Variants in ACTN2 observed in about 807,000 individuals in gnomAD.
ACTN2 encodes the protein actinin alpha 2, also known as alpha-actinin-2.
In ACTN2, 39 loss-of-function variants were observed where a neutral mutation model predicts 113.8. The ratio of observed to expected loss-of-function variants is 0.34; its 90% CI spans 0.27 to 0.45. The LOEUF (loss-of-function observed/expected upper bound fraction) is 0.45. ACTN2 is among the 20% of genes least tolerant of loss of function. The pLI, the probability that ACTN2 is intolerant of heterozygous loss-of-function variation, is 1.00. For missense variants in ACTN2, 992 were observed against 1,177.9 expected (o/e 0.84, Z 2.31); for synonymous variants, 429 against 444.1 (o/e 0.97, Z 0.43).
intron 14 of ACTN2, among the ~76,000 whole-genome samples, chr1:236,750,966 T>C (rs1265287373): frequency 6.6e-6 from 1 of 151,554 alleles, no homozygotes; most frequent in Non-Finnish European, 1.5e-5. Flanking sequence ...ATGTATGCCC[T>C]ATAGTCCCAG....
chr1:236,740,500 A>G (rs550025843), intron 10 of ACTN2, among the ~76,000 whole-genome samples: 15 of 151,994 alleles, frequency 9.9e-5, no homozygotes, highest in African/African-American at 3.4e-4. Context: ...GCCAAAGTCA[A>G]TGGCATTCAT....
intron 19 of ACTN2, among the ~76,000 whole-genome samples, chr1:236,760,595 C>G (rs1659676749): frequency 6.6e-6 from 1 of 152,176 alleles, no homozygotes; most frequent in Non-Finnish European, 1.5e-5. Flanking sequence ...CCTGGCCTCC[C>G]TTGATTCTCT....
chr1:236,744,965 A>G (rs1407800403), intron 12 of ACTN2, among the ~76,000 whole-genome samples, 189 bp downstream of exon 12: 1 of 152,104 alleles, frequency 6.6e-6, no homozygotes, highest in Non-Finnish European at 1.5e-5. Flanking sequence ...TAGAATCCCT[A>G]TGTCCTACCA....
chr1:236,716,099 CT>C (rs74259944), intron 1 of ACTN2, among the ~76,000 whole-genome samples: 78,853 of 117,740 alleles, frequency 0.67, 23,931 homozygotes, highest in Non-Finnish European at 0.74. Context: ...CCTTCTTCTT[CT>C]TTTTTTTTTT....
intron 1 of ACTN2, among the ~76,000 whole-genome samples, chr1:236,713,532 T>C (rs571343655): frequency 6.6e-6 from 1 of 152,230 alleles, no homozygotes; most frequent in East Asian, 1.9e-4. Context: ...AAGCAAAGTA[T>C]AGAACAATGT....
At chr1:236,706,883 A>G (rs531519844) in intron 1 of ACTN2, among the ~76,000 whole-genome samples, 1 of 152,322 alleles carries the variant, frequency 6.6e-6, no homozygotes, top group African/African-American at 2.4e-5. Context: ...TTTCTGAGTG[A>G]TGGCAGAGGT....
chr1:236,752,591 G>T (rs575989847), intron 15 of ACTN2, among the ~76,000 whole-genome samples: 1 of 152,132 alleles, frequency 6.6e-6, no homozygotes, highest in African/African-American at 2.4e-5. Context: ...TCACTCTGTT[G>T]CCCAGGCTAG....
At chr1:236,740,325 G>T (rs1179267566) in intron 10 of ACTN2, among the ~76,000 whole-genome samples, 3 of 151,462 alleles carry the variant, frequency 2.0e-5, no homozygotes, top group African/African-American at 7.3e-5. Flanking sequence ...TGTTGGTCAG[G>T]CTGGTCTTGA....
chr1:236,722,444 G>A (rs1429576922), intron 4 of ACTN2, among the ~76,000 whole-genome samples: 2 of 151,950 alleles, frequency 1.3e-5, no homozygotes, highest in Non-Finnish European at 2.9e-5. Flanking sequence ...AGACCAGCCT[G>A]GCCAACATGG....
At chr1:236,758,303 A>ATTTTTTTCTT (rs1349813845) in intron 18 of ACTN2, among the ~76,000 whole-genome samples, 1 of 135,914 alleles carries the variant, frequency 7.4e-6, no homozygotes, top group Non-Finnish European at 1.5e-5. Context: ...TTTTTTTTTA[A>ATTTTTTTCTT]TGAGACGGAG....
At chr1:236,688,482 A>C (rs1350333290) in intron 1 of ACTN2, among the ~76,000 whole-genome samples, 1 of 151,984 alleles carries the variant, frequency 6.6e-6, no homozygotes, top group African/African-American at 2.4e-5. Flanking sequence ...ACTTATTTGC[A>C]GTATTTTTGG....
Position 236,760,114 on chromosome 1 carries a change from C to T in ACTN2, c.2367+325C>T, listed in dbSNP as rs375228851. On this transcript the variant is annotated intron_variant, in intron 19 of 20. Transcript: ENST00000366578. ...TCCAAAAATTAGCCAGCTGTGGTGGCGGGCACCTGTAGTCCCAGCTACTTG... is the reference window on the plus strand; with the variant it reads ...TCCAAAAATTAGCCAGCTGTGGTGGTGGGCACCTGTAGTCCCAGCTACTTG... 5.3e-5 allele frequency among the ~76,000 whole-genome samples: 8 copies of T among 152,010 alleles called. No homozygotes were observed. The East Asian group carries it at 9.7e-4, about 18-fold the overall frequency.
intron 9 of ACTN2, 64 bp downstream of exon 9, chr1:236,737,278 G>A: frequency 1.4e-6 from 1 of 690,626 alleles, no homozygotes; most frequent in Non-Finnish European, 2.4e-6. Context: ...CACAGAGGGT[G>A]AAAAAATACT....
At chr1:236,718,108 C>T (rs1658275658) in intron 2 of ACTN2, 136 bp downstream of exon 2, 1 of 703,390 alleles carries the variant, frequency 1.4e-6, no homozygotes, top group African/African-American at 1.8e-5. Context: ...GAAAACCTTT[C>T]CAAAGAACAA....
At position 236,754,072 on chromosome 1, in the gene ACTN2, C is replaced by T. The variant is rs763974276; in HGVS notation, c.1965C>T (p.Asn655=). 3.1e-6 allele frequency: 5 copies of T among 1,614,036 alleles called. No homozygotes were observed. The highest frequency in any genetic ancestry group is 3.3e-5 in the Admixed American group (2 of 60,028). The change falls in exon 16 of 21, where the codon AAC becomes AAT. Residue 655 remains asparagine (N), a synonymous_variant. Coordinates refer to ENST00000366578, the MANE Select transcript of ACTN2 (RefSeq NM_001103.4). This position sits in a 1 kb window ranked among gnomAD's most constrained non-coding sequence, Gnocchi z 4.9. ...QANAIGPWIQ[N]KMEEIARSSI... The stretch of plus-strand genomic sequence containing the variant: ...ATGCCATTGGGCCCTGGATCCAGAA[C>T]AAGATGGAGGTAAGCCAGCGCCCTC...
chr1:236,707,672 TTTTCTTTTC>T (rs1028094444), intron 1 of ACTN2, among the ~76,000 whole-genome samples: 3 of 56,418 alleles, frequency 5.3e-5, no homozygotes, highest in Admixed American at 1.9e-4. Flanking sequence ...TTCTTTTCTT[TTTTCTTTTC>T]TTTCTTTTCT....
intron 1 of ACTN2, among the ~76,000 whole-genome samples, chr1:236,705,179 CAT>C (rs1245934347): frequency 6.6e-6 from 1 of 151,944 alleles, no homozygotes; most frequent in African/African-American, 2.4e-5. Flanking sequence ...ATGGATAAAA[CAT>C]ATAAATATAT....
chr1:236,699,892 A>G (rs1178782000), intron 1 of ACTN2, among the ~76,000 whole-genome samples: 2 of 152,226 alleles, frequency 1.3e-5, no homozygotes, highest in Non-Finnish European at 2.9e-5. Context: ...TTGAATGGTT[A>G]ATAAAAACTT....
At chr1:236,708,078 A>G (rs2102878296) in intron 1 of ACTN2, among the ~76,000 whole-genome samples, 1 of 152,194 alleles carries the variant, frequency 6.6e-6, no homozygotes, top group South Asian at 2.1e-4. Context: ...CACACTAGAC[A>G]CTAAGCAGGT....
Sources: allele counts gnomAD v4.1 joint callset (sites outside exome capture counted in the v4.1 genomes callset), GRCh38; gene constraint gnomAD v4.1.1; non-coding constraint Gnocchi (gnomAD v3.1); transcripts MANE v1.5; gene names NCBI Gene and HGNC (gene_info 2026-07-23, HGNC 2026-07-21).